The following PPP1R12A variants were observed in gnomAD, a reference collection of about 807,000 sequenced individuals.
PPP1R12A encodes protein phosphatase 1 regulatory subunit 12A.
PPP1R12A carries 19 observed loss-of-function variants against 139.6 expected under a neutral mutation model. The observed-to-expected ratio is 0.14, with a 90% CI of 0.09 to 0.20. The LOEUF is 0.20. Ranked by LOEUF, PPP1R12A falls within the 10% of genes least tolerant of loss-of-function variation. The pLI is 1.00. For missense variants in PPP1R12A, 925 were observed against 1,211.5 expected (o/e 0.76, Z 3.51); for synonymous variants, 427 against 420.6 (o/e 1.02, Z -0.19).
At chr12:79,921,072 T>C (rs1206166757) in intron 1 of PPP1R12A, among the ~76,000 whole-genome samples, 2 of 152,186 alleles carry the variant, frequency 1.3e-5, no homozygotes, top group African/African-American at 4.8e-5. Flanking sequence ...GTTGGTATAT[T>C]TTTGCTCAAA....
intron 3 of PPP1R12A, 35 bp downstream of exon 3, chr12:79,845,267 A>G (rs776886575): frequency 1.4e-6 from 2 of 1,472,344 alleles, no homozygotes; most frequent in African/African-American, 2.8e-5. Flanking sequence ...ATTCTTTCTA[A>G]AACATTTTTC....
chr12:79,809,859 G>A lies in PPP1R12A; in HGVS notation c.1391C>T (p.Thr464Ile), dbSNP rs1203356460. The change falls in exon 10 of 25, where the codon ACT becomes ATT. Residue 464 changes from threonine (T) to isoleucine (I), a missense_variant. Coordinates refer to ENST00000450142, the MANE Select transcript of PPP1R12A (RefSeq NM_002480.3). Reference sequence around the variant, plus strand: ...TGAAGCTGAACGTGTAACACCTGCAGTATCTTTTTCTTTCTGACCCTCTTT... The same window carrying A: ...TGAAGCTGAACGTGTAACACCTGCAATATCTTTTTCTTTCTGACCCTCTTT... ...ASKEGQKEKD[T>I]AGVTRSASSP... is the part of the protein sequence containing the mutation. 10 of 1,613,358 alleles carry A rather than the reference G, an allele frequency of 6.2e-6. No homozygotes were observed. In the Admixed American group the frequency reaches 1.7e-4, roughly 27 times the overall value.
chr12:79,779,984 C>CTT (rs1475386780), intron 23 of PPP1R12A: 1 of 152,544 alleles, frequency 6.6e-6, no homozygotes. Context: ...TGAAAGGATG[C>CTT]ATAAAGCCAA....
intron 2 of PPP1R12A, among the ~76,000 whole-genome samples, chr12:79,851,707 CTT>C (rs1251246208): frequency 6.6e-6 from 1 of 152,160 alleles, no homozygotes; most frequent in South Asian, 2.1e-4. Flanking sequence ...GTGATCATTT[CTT>C]TTAATACTTT....
chr12:79,914,926 T>C (rs1470173665), intron 1 of PPP1R12A, among the ~76,000 whole-genome samples: 2 of 152,080 alleles, frequency 1.3e-5, no homozygotes, highest in Non-Finnish European at 2.9e-5. Flanking sequence ...GAGTTGCATA[T>C]AGTACCTGAT....
chr12:79,843,003 AT>A (rs368590014), intron 3 of PPP1R12A, among the ~76,000 whole-genome samples: 33 of 152,114 alleles, frequency 2.2e-4, no homozygotes, highest in African/African-American at 7.7e-4. Context: ...TTCTCTATGA[AT>A]TTGACTATTC....
At chr12:79,807,417 T>C in intron 11 of PPP1R12A, 87 bp from the exon 12 acceptor site, 6 of 794,170 alleles carry the variant, frequency 7.6e-6, no homozygotes, top group African/African-American at 3.5e-5. Flanking sequence ...TAGTATAAGC[T>C]GAAACTAGTA....
Position 79,775,724 on chromosome 12 carries a change from A to C in PPP1R12A, c.*205T>G, listed in dbSNP as rs1397615280. 2.6e-6 allele frequency: 1 copy of C among 387,648 alleles called. No individual in the cohort carries two copies. The allele number at this position is 387,648 out of a possible 1,614,324, so 24.0% of individuals were successfully genotyped here. A position where few individuals can be genotyped will look rare whatever the true frequency, so the allele number is the denominator to read the frequency against. ...TGAAACAATGGTCTTGATTAAAAAAAAAAAACAAAAAACAAACCAACAACA... is the reference window on the plus strand; with the variant it reads ...TGAAACAATGGTCTTGATTAAAAAACAAAAACAAAAAACAAACCAACAACA... On this transcript the variant is annotated 3_prime_UTR_variant, in exon 25 of 25. Transcript: ENST00000450142.
At chr12:79,825,614 T>G (rs2137128950) in intron 5 of PPP1R12A, 1 of 151,990 alleles carries the variant, frequency 6.6e-6, no homozygotes, top group East Asian at 1.9e-4. Flanking sequence ...ACACTTACTA[T>G]ATTATACATT....
At chr12:79,888,388 G>C (rs892677331) in intron 1 of PPP1R12A, among the ~76,000 whole-genome samples, 1 of 152,102 alleles carries the variant, frequency 6.6e-6, no homozygotes, top group Non-Finnish European at 1.5e-5. Flanking sequence ...ACCAAAGCTA[G>C]AGGAATAAAT....
At chr12:79,879,209 G>A (rs879381691) in intron 1 of PPP1R12A, among the ~76,000 whole-genome samples, 5 of 151,944 alleles carry the variant, frequency 3.3e-5, no homozygotes, top group Admixed American at 6.6e-5. Context: ...GCAAAACCCC[G>A]TCTCTACTAA....
intron 2 of PPP1R12A, among the ~76,000 whole-genome samples, chr12:79,864,856 C>T (rs1191465566): frequency 6.6e-6 from 1 of 152,134 alleles, no homozygotes; most frequent in African/African-American, 2.4e-5. Context: ...AGTCCAGGAC[C>T]AGATGGATTC....
At chr12:79,876,103 A>G (rs1462298012) in intron 1 of PPP1R12A, among the ~76,000 whole-genome samples, 2 of 152,194 alleles carry the variant, frequency 1.3e-5, no homozygotes, top group African/African-American at 4.8e-5. Context: ...CTGTATCCAC[A>G]TTTCATAAAT....
intron 1 of PPP1R12A, among the ~76,000 whole-genome samples, chr12:79,934,338 T>A (rs1190399293): frequency 2.6e-5 from 4 of 152,132 alleles, no homozygotes; most frequent in Non-Finnish European, 5.9e-5. Flanking sequence ...AATATACCAC[T>A]GACACCGGGG....
intron 16 of PPP1R12A, 84 bp from the exon 17 acceptor site, chr12:79,797,034 A>G (rs535657297): frequency 1.4e-6 from 2 of 1,449,998 alleles, no homozygotes; most frequent in African/African-American, 2.9e-5. Flanking sequence ...ATTTCAAAGA[A>G]AAAGTAGTAT....
At chr12:79,795,795 A>C (rs761758160) in intron 17 of PPP1R12A, 36 bp from the exon 18 acceptor site, 2 of 1,587,752 alleles carry the variant, frequency 1.3e-6, no homozygotes, top group South Asian at 2.3e-5. Flanking sequence ...ATATAGCAAT[A>C]TATCTTGACA....
intron 1 of PPP1R12A, among the ~76,000 whole-genome samples, 154 bp downstream of exon 1, chr12:79,934,541 C>A (rs1888520743): frequency 6.6e-6 from 1 of 152,212 alleles, no homozygotes; most frequent in Admixed American, 6.5e-5. Context: ...CACCAGCTCT[C>A]CCTCCCGCCC....
At chr12:79,857,834 A>T (rs1225075497) in intron 2 of PPP1R12A, among the ~76,000 whole-genome samples, 1 of 152,114 alleles carries the variant, frequency 6.6e-6, no homozygotes, top group Admixed American at 6.5e-5. Flanking sequence ...ATATAATGGA[A>T]AAAAATCATC....
intron 19 of PPP1R12A, among the ~76,000 whole-genome samples, chr12:79,790,729 T>C (rs1478959919): frequency 6.6e-6 from 1 of 152,198 alleles, no homozygotes; most frequent in East Asian, 1.9e-4. Context: ...AGTGGTATGC[T>C]ACACTGAAGT....
Sources: gnomAD v4.1 joint callset for allele counts (sites outside exome capture counted in the v4.1 genomes callset) on GRCh38, gnomAD v4.1.1 for gene constraint, MANE v1.5 for transcripts, NCBI Gene and HGNC (gene_info 2026-07-23, HGNC 2026-07-21) for gene names.